The following GPR19 variants were observed in gnomAD, a reference collection of about 807,000 sequenced individuals.
The protein encoded by GPR19 is probable G protein-coupled receptor 19.
Under a neutral mutation model 28.5 loss-of-function variants are expected in GPR19, and 14 were observed. The ratio of observed to expected loss-of-function variants is 0.49; its 90% CI spans 0.32 to 0.77. The LOEUF is 0.77. GPR19 is among the 30% of genes least tolerant of loss of function. The pLI is 0.03. For missense variants in GPR19, 409 were observed against 504.1 expected (o/e 0.81, Z 1.81); for synonymous variants, 173 against 184.1 (o/e 0.94, Z 0.49).
At chr12:12,689,849 C>T (rs1207499950) in intron 2 of GPR19, among the ~76,000 whole-genome samples, 4 of 152,196 alleles carry the variant, frequency 2.6e-5, no homozygotes, top group South Asian at 4.1e-4. Flanking sequence ...CCAGCTACCA[C>T]GTCATAAGGA....
At chr12:12,669,215 C>A (rs1945823930) in intron 3 of GPR19, among the ~76,000 whole-genome samples, 1 of 152,224 alleles carries the variant, frequency 6.6e-6, no homozygotes, top group Admixed American at 6.5e-5. Context: ...TGCACAGAAG[C>A]TTAGCATCAA....
chr12:12,671,679 G>A (rs1945857226), intron 3 of GPR19, among the ~76,000 whole-genome samples: 1 of 152,096 alleles, frequency 6.6e-6, no homozygotes, highest in South Asian at 2.1e-4. Context: ...AAACAACCAT[G>A]AACATTCCTG....
At chr12:12,688,951 A>C (rs1946135395) in intron 2 of GPR19, 1 of 152,300 alleles carries the variant, frequency 6.6e-6, no homozygotes, top group African/African-American at 2.4e-5. Flanking sequence ...CAATGAAGAA[A>C]TACCTGAGAC....
rs765297715 is a variant in GPR19, at chr12:12,661,631, T to C, written c.818A>G (p.Lys273Arg). Residue 273 changes from lysine (K) to arginine (R), a missense_variant, in exon 4 of 4, where the codon AAA becomes AGA. Lys to Arg is a conservative substitution (Grantham distance 26, BLOSUM62 2). Coordinates refer to ENST00000651487, the MANE Select transcript of GPR19 (RefSeq NM_006143.3). The surrounding 1 kb of genome is among the most constrained non-coding windows in gnomAD (Gnocchi z 4.2). ...TMNIVPRTKVKTIKMFLILNL... is the reference protein window; with the variant it reads ...TMNIVPRTKVRTIKMFLILNL... ...TAAAATGAGGAACATCTTGATAGTT[T>C]TCACTTTTGTCCGAGGGACAATGTT... The C allele has an allele frequency of 6.2e-7, 1 of 1,614,090 alleles. No homozygotes were observed. Among genetic ancestry groups the C allele is most frequent in the Non-Finnish European group, 8.5e-7 (1 of 1,179,944 alleles).
At chr12:12,688,334 C>T (rs1050720853) in intron 2 of GPR19, among the ~76,000 whole-genome samples, 1 of 150,914 alleles carries the variant, frequency 6.6e-6, no homozygotes, top group Non-Finnish European at 1.5e-5. Context: ...CAAATCTGTA[C>T]ATATAATGTC....
At chr12:12,701,849 T>G in the GPR19 span, among the ~76,000 whole-genome samples, 2 of 149,424 alleles carry the variant, frequency 1.3e-5, no homozygotes, top group Non-Finnish European at 2.9e-5. Flanking sequence ...CAGAATTGCT[T>G]GAGCCTGAAG....
intron 2 of GPR19, among the ~76,000 whole-genome samples, chr12:12,689,854 T>C (rs986953654): frequency 2.0e-5 from 3 of 152,184 alleles, no homozygotes; most frequent in Non-Finnish European, 2.9e-5. Flanking sequence ...TACCACGTCA[T>C]AAGGAAACTC....
chr12:12,703,901 C>T, the GPR19 span, among the ~76,000 whole-genome samples: 1 of 152,096 alleles, frequency 6.6e-6, no homozygotes, highest in African/African-American at 2.4e-5. Context: ...ACCTACTTTG[C>T]GGTTATTTTG....
the GPR19 span, chr12:12,716,847 C>A: frequency 1.0e-6 from 1 of 982,446 alleles, no homozygotes; most frequent in Non-Finnish European, 1.2e-6. Context: ...CGGGGGGGCG[C>A]CCAGCCCCCC....
At position 12,662,039 on chromosome 12, in the gene GPR19, G is replaced by A. The variant is rs1170556024; in HGVS notation, c.410C>T (p.Thr137Met). The A allele has an allele frequency of 3.7e-6, 6 of 1,614,100 alleles. No individual in the cohort carries two copies. The highest frequency in any genetic ancestry group is 2.2e-5 in the East Asian group (1 of 44,902). The change falls in exon 4 of 4, where the codon ACG (threonine) becomes ATG (methionine). Residue 137 changes from threonine to methionine, a missense_variant. Transcript: ENST00000651487. Reference protein sequence around the residue: ...TTGRWTLGSATCKVVRYFQYL... With the variant: ...TTGRWTLGSAMCKVVRYFQYL... ...TTGAAAATATCGCACAACCTTGCAC[G>A]TTGCACTACCCAGCGTCCACCTTCC...
At chr12:12,691,361 T>C (rs1444739150) in intron 2 of GPR19, among the ~76,000 whole-genome samples, 1 of 152,018 alleles carries the variant, frequency 6.6e-6, no homozygotes, top group Admixed American at 6.6e-5. Context: ...GTGACCTCCA[T>C]TTCACCTCCA....
intron 2 of GPR19, among the ~76,000 whole-genome samples, chr12:12,687,977 C>G (rs1453670185): frequency 6.6e-6 from 1 of 152,166 alleles, no homozygotes; most frequent in African/African-American, 2.4e-5. Context: ...GAAAGTTCTT[C>G]TTTACAGAAA....
chr12:12,712,637 C>G, the GPR19 span, among the ~76,000 whole-genome samples: 2 of 152,196 alleles, frequency 1.3e-5, no homozygotes, highest in African/African-American at 4.8e-5. Context: ...CTTTGTACTT[C>G]ATAGCATCAT....
At chr12:12,673,742 C>T (rs1347643271) in intron 3 of GPR19, among the ~76,000 whole-genome samples, 1 of 152,036 alleles carries the variant, frequency 6.6e-6, no homozygotes, top group Admixed American at 6.6e-5. Context: ...CTGATATAAC[C>T]GGAAAGGTGG....
chr12:12,675,444 C>T (rs1165554140), intron 3 of GPR19, among the ~76,000 whole-genome samples: 1 of 152,094 alleles, frequency 6.6e-6, no homozygotes, highest in Admixed American at 6.6e-5. Context: ...GATATCCATG[C>T]CCTAATCCCT....
At chr12:12,689,240 C>G (rs1388726968) in intron 2 of GPR19, among the ~76,000 whole-genome samples, 1 of 152,142 alleles carries the variant, frequency 6.6e-6, no homozygotes, top group African/African-American at 2.4e-5. Context: ...ACCCAAACAC[C>G]TCCCACCAGG....
chr12:12,698,542 C>G (rs920063959), upstream of GPR19, among the ~76,000 whole-genome samples: 3 of 152,202 alleles, frequency 2.0e-5, no homozygotes, highest in African/African-American at 7.2e-5. Flanking sequence ...ATTACTCAAA[C>G]TTGGTTAAAG....
At chr12:12,689,905 C>T (rs535786027) in intron 2 of GPR19, among the ~76,000 whole-genome samples, 1 of 152,314 alleles carries the variant, frequency 6.6e-6, no homozygotes, top group South Asian at 2.1e-4. Context: ...CAAACCGAGG[C>T]TTCTCACCAA....
At chr12:12,670,112 C>A (rs1201927363) in intron 3 of GPR19, among the ~76,000 whole-genome samples, 1 of 152,160 alleles carries the variant, frequency 6.6e-6, no homozygotes. Flanking sequence ...TGTGGGGTAA[C>A]AGGAAAATCA....
Sources: allele counts gnomAD v4.1 joint callset (sites outside exome capture counted in the v4.1 genomes callset), GRCh38; gene constraint gnomAD v4.1.1; non-coding constraint Gnocchi (gnomAD v3.1); transcripts MANE v1.5; gene names NCBI Gene and HGNC (gene_info 2026-07-23, HGNC 2026-07-21).